Variants in PCDHA3 observed in about 807,000 individuals in gnomAD.
PCDHA3 encodes the protein protocadherin alpha-3.
In PCDHA3, 41 loss-of-function variants were observed where a neutral mutation model predicts 62.2. The ratio of observed to expected loss-of-function variants is 0.66; its 90% CI spans 0.51 to 0.86. The LOEUF (loss-of-function observed/expected upper bound fraction) is 0.86. PCDHA3 is among the 40% of genes least tolerant of loss of function. The pLI, the probability that PCDHA3 is intolerant of heterozygous loss-of-function variation, is 0.00. For missense variants in PCDHA3, 1,304 were observed against 1,241.2 expected (o/e 1.05, Z -0.76); for synonymous variants, 640 against 555.4 (o/e 1.15, Z -2.14).
chr5:140,809,412 C>A (rs1428831386), intron 1 of PCDHA3: 20 of 1,614,092 alleles, frequency 1.2e-5, no homozygotes, highest in Non-Finnish European at 1.7e-5. Context: ...CTGGTGTGCT[C>A]CAGTGCGGTG....
At chr5:140,967,073 G>A (rs1554229137) in intron 1 of PCDHA3, 1 of 1,613,160 alleles carries the variant, frequency 6.2e-7, no homozygotes, top group South Asian at 1.1e-5. Flanking sequence ...CTTCGTCAAC[G>A]AGCGCATTGA....
At chr5:140,822,417 T>A (rs17844289) in intron 1 of PCDHA3, 15 of 1,614,062 alleles carry the variant, frequency 9.3e-6, no homozygotes, top group Non-Finnish European at 1.3e-5. Context: ...TGATTGCAAC[T>A]GATGGAGGAA....
intron 1 of PCDHA3, chr5:140,858,541 C>T (rs1021379839): frequency 7.9e-6 from 11 of 1,395,984 alleles, no homozygotes; most frequent in Non-Finnish European, 1.1e-5. Context: ...TGTCTACATT[C>T]CATTTATGCT....
intron 1 of PCDHA3, chr5:140,926,758 G>C: frequency 2.3e-6 from 3 of 1,302,056 alleles, no homozygotes; most frequent in Non-Finnish European, 3.0e-6. Flanking sequence ...CGGTCGCTGA[G>C]TATCCAGCCC....
chr5:140,927,607 C>T, intron 1 of PCDHA3: 2 of 1,614,180 alleles, frequency 1.2e-6, no homozygotes, highest in Non-Finnish European at 8.5e-7. Flanking sequence ...CTCCGTATAC[C>T]GCACCAAGGT....
intron 1 of PCDHA3, among the ~76,000 whole-genome samples, chr5:140,923,122 C>T (rs1405376878): frequency 6.6e-6 from 1 of 152,130 alleles, no homozygotes; most frequent in Non-Finnish European, 1.5e-5. Context: ...TTTTTAGGGT[C>T]ACACTTTGAA....
rs2150179482 is a variant in PCDHA3, at chr5:140,830,012, G to T, written c.2394+26421G>T. 5.0e-6 allele frequency: 8 copies of T among 1,613,802 alleles called. No individual in the cohort carries two copies. In the Admixed American group the frequency reaches 1.0e-4, roughly 20 times the overall value. ...CACCACTCGTGTCCTGGACGAAGCG[G>T]ACTCTCCGCGCCACCGGCTGCTGGT... On this transcript the variant is annotated intron_variant, in intron 1 of 3. Coordinates refer to ENST00000522353, the MANE Select transcript of PCDHA3 (RefSeq NM_018906.3).
chr5:140,837,118 A>G (rs1774921021), intron 1 of PCDHA3: 2 of 157,076 alleles, frequency 1.3e-5, no homozygotes, highest in Non-Finnish European at 2.8e-5. Flanking sequence ...TATGTTACCT[A>G]ATATTTTATT....
At chr5:140,805,781 T>A (rs1021949445) in intron 1 of PCDHA3, 1 of 185,662 alleles carries the variant, frequency 5.4e-6, no homozygotes, top group Non-Finnish European at 1.0e-5. Context: ...GTCTAGAGAC[T>A]TTTTTTGTAT....
At position 140,801,511 on chromosome 5, in the gene PCDHA3, A is replaced by T; in HGVS notation, c.314A>T (p.His105Leu). The change falls in exon 1 of 4, where the codon CAC becomes CTC. Residue 105 changes from histidine to leucine, a missense_variant. Coordinates refer to ENST00000522353, the MANE Select transcript of PCDHA3 (RefSeq NM_018906.3). ...LCGRSAECSI[H>L]LEVIVDRPLQ... is the part of the protein sequence containing the mutation. ...GGGCGGAGCGCGGAGTGCAGCATCC[A>T]CCTGGAGGTGATCGTGGACAGGCCG... The T allele has an allele frequency of 3.1e-6, 5 of 1,614,184 alleles. No individual in the cohort carries two copies. Among genetic ancestry groups the T allele is most frequent in the Non-Finnish European group, 4.2e-6 (5 of 1,180,034 alleles).
At chr5:140,882,009 A>C in intron 1 of PCDHA3, 1 of 522,488 alleles carries the variant, frequency 1.9e-6, no homozygotes, top group East Asian at 3.2e-5. Context: ...AGGGGCAAAA[A>C]AATACTACAT....
chr5:140,854,575 AT>A (rs1416298079), intron 1 of PCDHA3: 1 of 149,968 alleles, frequency 6.7e-6, no homozygotes, highest in Non-Finnish European at 1.5e-5. Context: ...TGTCATTCAG[AT>A]TTTAATAAAA....
chr5:140,829,861 G>C (rs2150176439), intron 1 of PCDHA3: 1 of 1,613,956 alleles, frequency 6.2e-7, no homozygotes, highest in Non-Finnish European at 8.5e-7. Context: ...CAGGCCAAGT[G>C]GTGGCGAAGG....
chr5:140,876,660 G>A, intron 1 of PCDHA3: 1 of 1,614,216 alleles, frequency 6.2e-7, no homozygotes, highest in Non-Finnish European at 8.5e-7. Flanking sequence ...TTCCCTTCAA[G>A]CTGGTGTCCA....
Position 140,850,649 on chromosome 5 carries a change from C to T in PCDHA3, c.2394+47058C>T, listed in dbSNP as rs1413606456. The T allele has an allele frequency of 2.5e-6, 4 of 1,598,500 alleles. 1 individual carries two copies. Among genetic ancestry groups the T allele is most frequent in the Non-Finnish European group, 2.6e-6 (3 of 1,167,902 alleles). ...TGTTGGTTCTCACGCTGCTGCTGTA[C>T]ACTGTGCTGCGGTGCTCGGCGATGC... On this transcript the variant is annotated intron_variant, in intron 1 of 3. Transcript: ENST00000522353.
At chr5:140,940,398 T>C (rs936966571) in intron 1 of PCDHA3, among the ~76,000 whole-genome samples, 10 of 152,340 alleles carry the variant, frequency 6.6e-5, no homozygotes, top group African/African-American at 2.4e-4. Context: ...TATTGTGTTT[T>C]TCATTTTAAA....
At chr5:140,807,903 C>T (rs782791250) in intron 1 of PCDHA3, 3 of 1,614,014 alleles carry the variant, frequency 1.9e-6, no homozygotes, top group East Asian at 2.2e-5. Context: ...AATGACAATG[C>T]CCCAGCTTTT....
rs117279546 is a variant in PCDHA3 at position 140,845,433 on chromosome 5, T to C, written c.2394+41842T>C. On this transcript the variant is annotated intron_variant, in intron 1 of 3. Coordinates refer to ENST00000522353, the MANE Select transcript of PCDHA3 (RefSeq NM_018906.3). ...TGGCAATTTATCATTTAAGTCATTT[T>C]AGTTCTGTTTTTCTTCAACTCTCTG... Among the ~76,000 whole-genome samples the C allele has an allele frequency of 1.1e-4, 16 of 149,790 alleles. No individual in the cohort carries two copies. In the East Asian group the frequency reaches 2.1e-3, roughly 20 times the overall value.
chr5:140,851,940 G>A (rs1431345124), intron 1 of PCDHA3: 2 of 966,626 alleles, frequency 2.1e-6, no homozygotes, highest in Non-Finnish European at 2.5e-6. Flanking sequence ...ATTGTAGTAT[G>A]TGACTTTCAA....
Sources: gnomAD v4.1 joint callset for allele counts (sites outside exome capture counted in the v4.1 genomes callset) on GRCh38, gnomAD v4.1.1 for gene constraint, MANE v1.5 for transcripts, NCBI Gene and HGNC (gene_info 2026-07-23, HGNC 2026-07-21) for gene names.